The following EXOC6 variants were observed in gnomAD, a reference collection of about 807,000 sequenced individuals.
EXOC6 encodes the protein SEC15-like 1.
EXOC6 carries 60 observed loss-of-function variants against 112.5 expected under a neutral mutation model. That is an observed-to-expected ratio of 0.53 (90% CI 0.43 to 0.66). The LOEUF is 0.66. Among genes scored for constraint, EXOC6 ranks in the 30% least tolerant of loss-of-function variants. The probability of loss-of-function intolerance (pLI) is 0.00; values close to 1 mark genes in which losing one functional copy is unlikely to be tolerated. For missense variants in EXOC6, 855 were observed against 957.1 expected (o/e 0.89, Z 1.41); for synonymous variants, 295 against 308.0 (o/e 0.96, Z 0.44).
chr10:92,921,709 G>A (rs1168784793), intron 8 of EXOC6, among the ~76,000 whole-genome samples: 8 of 148,490 alleles, frequency 5.4e-5, no homozygotes, highest in East Asian at 2.0e-4. Flanking sequence ...GTGCAGTGGC[G>A]TGATCACAGC....
upstream of EXOC6, among the ~76,000 whole-genome samples, chr10:92,831,072 G>A (rs1337158125): frequency 3.9e-5 from 6 of 152,238 alleles, no homozygotes; most frequent in Non-Finnish European, 2.9e-5. Context: ...CTCAAGGAAA[G>A]TTTTGAATAA....
chr10:93,034,063 A>G lies in EXOC6; in HGVS notation c.2169+19796A>G, dbSNP rs147812471. Among the ~76,000 whole-genome samples the G allele has an allele frequency of 2.1e-4, 32 of 152,352 alleles. No individual in the cohort carries two copies. In the East Asian group the frequency reaches 3.7e-3, roughly 17 times the overall value. On this transcript the variant is annotated intron_variant, in intron 20 of 21. Transcript: ENST00000260762. ...CTGTTTCCTGAACTATTTCAACTATATATATTAACAATGGTTTAATGAAAT... is the reference window on the plus strand; with the variant it reads ...CTGTTTCCTGAACTATTTCAACTATGTATATTAACAATGGTTTAATGAAAT...
intron 19 of EXOC6, among the ~76,000 whole-genome samples, chr10:93,000,246 A>G (rs1843698551): frequency 6.6e-6 from 1 of 152,158 alleles, no homozygotes. Context: ...TTATTGCTCA[A>G]AGATGGAAAT....
chr10:92,860,829 T>G (rs1433427828), intron 1 of EXOC6, among the ~76,000 whole-genome samples: 3 of 151,404 alleles, frequency 2.0e-5, no homozygotes, highest in Non-Finnish European at 2.9e-5. Flanking sequence ...TGTATGTATA[T>G]ATTACATTTT....
intron 1 of EXOC6, among the ~76,000 whole-genome samples, chr10:92,855,947 C>T (rs141576196): frequency 0.015 from 2,217 of 152,186 alleles, 56 homozygotes; most frequent in African/African-American, 0.051. Context: ...TCACTGCAAC[C>T]TCCGCCTCCT....
At chr10:93,038,581 GACAGAGT>G (rs1845627818) in intron 20 of EXOC6, among the ~76,000 whole-genome samples, 1 of 152,116 alleles carries the variant, frequency 6.6e-6, no homozygotes, top group African/African-American at 2.4e-5. Flanking sequence ...ATATATACAT[GACAGAGT>G]TCTAGACTCA....
At chr10:92,955,204 G>A (rs1045625827) in intron 16 of EXOC6, among the ~76,000 whole-genome samples, 1 of 151,802 alleles carries the variant, frequency 6.6e-6, no homozygotes, top group Non-Finnish European at 1.5e-5. Context: ...TGAGGGAAAA[G>A]GGTTCATATG....
chr10:92,956,348 G>A (rs1589908998), intron 17 of EXOC6, among the ~76,000 whole-genome samples: 2 of 152,164 alleles, frequency 1.3e-5, no homozygotes, highest in African/African-American at 4.8e-5. Flanking sequence ...GATAAACCAT[G>A]TACTGATCAC....
At chr10:92,838,008 G>A in intron 1 of EXOC6, among the ~76,000 whole-genome samples, 1 of 152,206 alleles carries the variant, frequency 6.6e-6, no homozygotes, top group East Asian at 1.9e-4. Context: ...TAGGCAACCT[G>A]AGGTGGCCTA....
At chr10:92,949,565 C>G (rs895759458) in intron 14 of EXOC6, among the ~76,000 whole-genome samples, 1 of 146,028 alleles carries the variant, frequency 6.8e-6, no homozygotes, top group Non-Finnish European at 1.5e-5. Flanking sequence ...TAGACTAGGT[C>G]TAGATTCATG....
intron 13 of EXOC6, among the ~76,000 whole-genome samples, chr10:92,942,813 C>G (rs1852742477): frequency 6.6e-6 from 1 of 152,072 alleles, no homozygotes; most frequent in Non-Finnish European, 1.5e-5. Flanking sequence ...ACTTCTAGTA[C>G]TAAGATTGTT....
chr10:92,916,028 AGTT>A, intron 7 of EXOC6, 115 bp downstream of exon 7: 1 of 757,334 alleles, frequency 1.3e-6, no homozygotes, highest in Non-Finnish European at 2.0e-6. Flanking sequence ...ATGTTGTAAA[AGTT>A]GTCAGAGTCA....
chr10:92,975,177 C>A (rs1407165974), intron 18 of EXOC6, among the ~76,000 whole-genome samples: 1 of 151,148 alleles, frequency 6.6e-6, no homozygotes, highest in Admixed American at 6.6e-5. Flanking sequence ...CTCTGCCTGG[C>A]CGCCCATCGT....
intron 1 of EXOC6, among the ~76,000 whole-genome samples, chr10:92,883,623 A>G (rs1398090544): frequency 2.0e-5 from 3 of 152,190 alleles, no homozygotes; most frequent in Non-Finnish European, 4.4e-5. Context: ...CTAGAAATTA[A>G]GCTTGATATG....
intron 20 of EXOC6, among the ~76,000 whole-genome samples, chr10:93,052,138 A>C (rs1380249864): frequency 6.6e-6 from 1 of 152,214 alleles, no homozygotes; most frequent in Non-Finnish European, 1.5e-5. Flanking sequence ...AAGAAAGCTA[A>C]ATCAGATTCA....
intron 1 of EXOC6, among the ~76,000 whole-genome samples, chr10:92,835,055 T>C (rs1846621551): frequency 1.3e-5 from 2 of 152,236 alleles, no homozygotes; most frequent in South Asian, 2.1e-4. Context: ...AAACTATGAC[T>C]TTCAAATGAT....
At chr10:92,849,460 C>T (rs1275513070) in intron 1 of EXOC6, among the ~76,000 whole-genome samples, 2 of 152,092 alleles carry the variant, frequency 1.3e-5, no homozygotes, top group African/African-American at 4.8e-5. Flanking sequence ...TATTATTAGC[C>T]AGGCAACGTA....
intron 9 of EXOC6, among the ~76,000 whole-genome samples, chr10:92,931,705 C>T (rs186449349): frequency 6.6e-5 from 10 of 151,756 alleles, no homozygotes; most frequent in Admixed American, 3.9e-4. Flanking sequence ...ATAATTTTTT[C>T]GTCAGGGAAA....
chr10:92,958,491 T>A (rs1227768236), intron 17 of EXOC6, among the ~76,000 whole-genome samples: 1 of 152,230 alleles, frequency 6.6e-6, no homozygotes, highest in Non-Finnish European at 1.5e-5. Context: ...GCCTTTTTTT[T>A]GTTTTTGTCT....
Sources: gnomAD v4.1 joint callset for allele counts (sites outside exome capture counted in the v4.1 genomes callset) on GRCh38, gnomAD v4.1.1 for gene constraint, MANE v1.5 for transcripts, NCBI Gene and HGNC (gene_info 2026-07-23, HGNC 2026-07-21) for gene names.